Variants in CBLB observed in about 807,000 individuals in gnomAD.
CBLB encodes the protein E3 ubiquitin-protein ligase CBL-B.
CBLB carries 31 observed loss-of-function variants against 104.9 expected under a neutral mutation model. That is an observed-to-expected ratio of 0.30 (90% CI 0.22 to 0.40). CBLB has a LOEUF of 0.40. Ranked by LOEUF, CBLB falls within the 10% of genes least tolerant of loss-of-function variation. The pLI is 1.00. For missense variants in CBLB, 1,062 were observed against 1,214.6 expected (o/e 0.87, Z 1.87); for synonymous variants, 440 against 422.6 (o/e 1.04, Z -0.51).
intron 10 of CBLB, among the ~76,000 whole-genome samples, chr3:105,713,300 A>C (rs1576541806): frequency 6.6e-6 from 1 of 152,110 alleles, no homozygotes; most frequent in East Asian, 1.9e-4. Context: ...ACTAAGTAGG[A>C]AAACTAGAAG....
chr3:105,701,779 T>G (rs766818525), intron 12 of CBLB, among the ~76,000 whole-genome samples: 7 of 128,792 alleles, frequency 5.4e-5, no homozygotes, highest in Non-Finnish European at 1.0e-4. Context: ...AAAAAAAAAA[T>G]GCAGGCTGAT....
At chr3:105,768,931 A>G (rs2078531443) in intron 4 of CBLB, among the ~76,000 whole-genome samples, 1 of 152,260 alleles carries the variant, frequency 6.6e-6, no homozygotes, top group Non-Finnish European at 1.5e-5. Flanking sequence ...TCATTTAAAA[A>G]GAGATCAATT....
chr3:105,787,724 A>C (rs547164787), intron 3 of CBLB, among the ~76,000 whole-genome samples: 93 of 152,340 alleles, frequency 6.1e-4, no homozygotes, highest in African/African-American at 2.2e-3. Context: ...TAGAAAACTC[A>C]AATTACCATA....
At chr3:105,755,647 C>A (rs529240994) in intron 4 of CBLB, among the ~76,000 whole-genome samples, 1 of 152,060 alleles carries the variant, frequency 6.6e-6, no homozygotes, top group East Asian at 1.9e-4. Context: ...TGTTTGCAAA[C>A]AGGAACTTCT....
At chr3:105,817,427 C>T (rs952682035) in intron 3 of CBLB, among the ~76,000 whole-genome samples, 4 of 152,116 alleles carry the variant, frequency 2.6e-5, no homozygotes, top group Non-Finnish European at 4.4e-5. Context: ...CCATGGGTGA[C>T]TTGAAGCTTG....
intron 18 of CBLB, among the ~76,000 whole-genome samples, chr3:105,660,700 C>A (rs545375260): frequency 2.5e-4 from 38 of 152,300 alleles, no homozygotes; most frequent in Admixed American, 5.2e-4. Flanking sequence ...CCCACTCCTG[C>A]TGCCTCAGCA....
intron 3 of CBLB, among the ~76,000 whole-genome samples, chr3:105,846,218 GTCC>G (rs1414499693): frequency 1.3e-5 from 2 of 151,668 alleles, no homozygotes; most frequent in African/African-American, 4.8e-5. Flanking sequence ...TTGGTCCTTT[GTCC>G]TCATCAAATT....
At chr3:105,847,885 A>G (rs1346954822) in intron 3 of CBLB, among the ~76,000 whole-genome samples, 1 of 152,144 alleles carries the variant, frequency 6.6e-6, no homozygotes, top group Non-Finnish European at 1.5e-5. Context: ...TACATTTGTT[A>G]GCAATGACAA....
intron 9 of CBLB, among the ~76,000 whole-genome samples, chr3:105,725,618 C>T (rs1057124101): frequency 1.3e-5 from 2 of 152,148 alleles, no homozygotes; most frequent in African/African-American, 4.8e-5. Flanking sequence ...GGACAACTCT[C>T]GCAGCTTCTT....
chr3:105,762,417 G>C (rs1273268465), intron 4 of CBLB: 1 of 152,232 alleles, frequency 6.6e-6, no homozygotes, highest in Non-Finnish European at 1.5e-5. Context: ...AGAAAAAATG[G>C]TTTCATTGGC....
intron 10 of CBLB, among the ~76,000 whole-genome samples, chr3:105,718,462 C>T (rs2072249123): frequency 6.6e-6 from 1 of 152,092 alleles, no homozygotes; most frequent in Non-Finnish European, 1.5e-5. Flanking sequence ...GCAGGAGTTT[C>T]CCAAGAGGAA....
rs979308314 is a variant in CBLB at position 105,655,877 on chromosome 3, T to C, written c.*3093A>G. 1 of 222,532 alleles carries C rather than the reference T, an allele frequency of 4.5e-6. No individual in the cohort carries two copies. The highest frequency in any genetic ancestry group is 9.0e-6 in the Non-Finnish European group (1 of 111,204). The allele number at this position is 222,532 out of a possible 1,614,324, so 13.8% of individuals were successfully genotyped here. A position where few individuals can be genotyped will look rare whatever the true frequency, so the allele number is the denominator to read the frequency against. On this transcript the variant is annotated 3_prime_UTR_variant, in exon 19 of 19. Coordinates refer to ENST00000394030, the MANE Select transcript of CBLB (RefSeq NM_170662.5). ...GAACTGTAGGAAATGCTTCTGGAAC[T>C]GAAAAATTAAAAAATCACATTATGA...
chr3:105,718,501 A>G (rs2072252877), intron 10 of CBLB, among the ~76,000 whole-genome samples: 2 of 152,208 alleles, frequency 1.3e-5, no homozygotes, highest in Non-Finnish European at 2.9e-5. Context: ...AAAATGAAGT[A>G]ACCCAAAGAA....
At chr3:105,684,669 C>T (rs978737486) in intron 14 of CBLB, among the ~76,000 whole-genome samples, 1 of 152,070 alleles carries the variant, frequency 6.6e-6, no homozygotes, top group Non-Finnish European at 1.5e-5. Flanking sequence ...TCTCCTGCCT[C>T]AGCCTCCTGA....
At chr3:105,754,527 G>GAC (rs1355307539) in intron 4 of CBLB, among the ~76,000 whole-genome samples, 15 of 23,422 alleles carry the variant, frequency 6.4e-4, no homozygotes, top group East Asian at 1.1e-3. Flanking sequence ...GAGAGACAGA[G>GAC]AGAGAGAGAG....
intron 3 of CBLB, among the ~76,000 whole-genome samples, chr3:105,805,485 T>C (rs1181577259): frequency 1.3e-5 from 2 of 152,162 alleles, no homozygotes; most frequent in Non-Finnish European, 2.9e-5. Flanking sequence ...TTTGTATGTT[T>C]AGTAGAGACG....
chr3:105,865,466 T>G (rs775581959), intron 2 of CBLB, among the ~76,000 whole-genome samples: 8 of 152,124 alleles, frequency 5.3e-5, no homozygotes, highest in Non-Finnish European at 1.0e-4. Context: ...TGATAATAGA[T>G]TTCCTTGTTG....
intron 2 of CBLB, among the ~76,000 whole-genome samples, chr3:105,858,208 G>A (rs535700154): frequency 6.6e-6 from 1 of 152,204 alleles, no homozygotes; most frequent in African/African-American, 2.4e-5. Flanking sequence ...TATGCCACTG[G>A]GTGCGCAGTT....
At position 105,656,249 on chromosome 3, in the gene CBLB, T is replaced by C. The variant is rs1329968192; in HGVS notation, c.*2721A>G. The C allele has an allele frequency of 1.4e-5, 3 of 213,302 alleles. No homozygotes were observed. Among genetic ancestry groups the C allele is most frequent in the South Asian group, 1.9e-4 (1 of 5,350 alleles). 13.2% of individuals were successfully genotyped at this position (213,302 alleles called of 1,614,324 possible). ...ATTGGCCACATATCAGTAAGTTAAT[T>C]TGTCTTAATTTTATGTATTATATGA... On this transcript the variant is annotated 3_prime_UTR_variant, in exon 19 of 19. Coordinates refer to ENST00000394030, the MANE Select transcript of CBLB (RefSeq NM_170662.5).
Sources: gnomAD v4.1 joint callset for allele counts (sites outside exome capture counted in the v4.1 genomes callset) on GRCh38, gnomAD v4.1.1 for gene constraint, MANE v1.5 for transcripts, NCBI Gene and HGNC (gene_info 2026-07-23, HGNC 2026-07-21) for gene names.